The following PLEC variants were observed in gnomAD, a reference collection of about 807,000 sequenced individuals.
The protein encoded by PLEC is plectin.
PLEC carries 216 observed loss-of-function variants against 392.8 expected under a neutral mutation model. That is an observed-to-expected ratio of 0.55 (90% confidence interval 0.49 to 0.62). The LOEUF (loss-of-function observed/expected upper bound fraction) is 0.62, where lower values mean the gene tolerates loss of function less well. PLEC is among the 20% of genes least tolerant of loss of function. PLEC has a pLI of 0.00. For missense variants in PLEC, 6,863 were observed against 6,563.4 expected, an observed-to-expected ratio of 1.05 and a Z score of -1.58; for synonymous variants, 3,621 against 2,980.6, an observed-to-expected ratio of 1.21 and a Z score of -7.00.
rs11136333 is a variant in PLEC, at chr8:143,927,341, T to A, written c.3757-6A>T. The A allele has an allele frequency of 4.3e-6, 7 of 1,612,382 alleles. No individual in the cohort carries two copies. Among genetic ancestry groups the A allele is most frequent in the Non-Finnish European group, 5.9e-6 (7 of 1,179,790 alleles). On this transcript the variant is annotated splice_polypyrimidine_tract_variant and splice_region_variant and intron_variant, in intron 27 of 31. Transcript: ENST00000345136. ...TCGATCTCCTCCAGCAGGGCCTGGGTGATGGTGTGGTCAGAGCCGTGGCCG... is the reference window on the plus strand; with the variant it reads ...TCGATCTCCTCCAGCAGGGCCTGGGAGATGGTGTGGTCAGAGCCGTGGCCG...
rs782584875 is a variant in PLEC, at chr8:143,927,070, G to A, written c.3852C>T (p.Leu1284=). 1 of 1,610,774 alleles carries A rather than the reference G, an allele frequency of 6.2e-7. No individual in the cohort carries two copies. The highest frequency in any genetic ancestry group is 1.3e-5 in the African/African-American group (1 of 74,936). ...GCTGCGCCTTGTACGTCACCAGCTG[G>A]AGTTCATAGTCCTGTGGCAATGCAC... ...QYINAIKDYE[L]QLVTYKAQLE... Residue 1284 remains leucine (L), a synonymous_variant, in exon 29 of 32, where the codon CTC becomes CTT. Transcript: ENST00000345136.
upstream of PLEC, chr8:143,942,252 G>T (rs1221472377): frequency 1.0e-5 from 10 of 982,426 alleles, no homozygotes; most frequent in Non-Finnish European, 1.5e-5. Context: ...GGTGTTTCCG[G>T]AGCTCGGGGG....
rs782216683 is a variant in PLEC at position 143,924,274 on chromosome 8, C to T, written c.5655G>A (p.Ala1885=). ...FQRRRLEEQA[A]QHKADIEERL... ...GCTCCTCGATGTCAGCCTTGTGTTG[C>T]GCGGCCTGCTCCTCCAGCCGCCGCC... Residue 1885 remains alanine, a synonymous_variant, in exon 31 of 32, where the codon GCG becomes GCA. Transcript: ENST00000345136. The T allele has an allele frequency of 3.3e-5, 53 of 1,596,686 alleles. No homozygotes were observed. Among genetic ancestry groups the T allele is most frequent in the Admixed American group, 1.5e-4 (9 of 59,846 alleles).
In PLEC at chr8:143,930,833, C is replaced by T. The variant is rs1244320603; in HGVS notation, c.2305-297G>A. On this transcript the variant is annotated intron_variant, in intron 19 of 31. Coordinates refer to ENST00000345136, the MANE Select transcript of PLEC (RefSeq NM_201384.3). ...GCCCTCGCCCCTTGCCCCTCCCCTG[C>T]GGGCTGCAGAAGGTACTGCCTCCTC... Among the ~76,000 whole-genome samples, 3 of 152,200 alleles carry T rather than the reference C, an allele frequency of 2.0e-5. No individual in the cohort carries two copies. The East Asian group carries it at 5.8e-4, about 29-fold the overall frequency.
chr8:143,942,610 C>G (rs1830709413), upstream of PLEC: 1 of 1,390,218 alleles, frequency 7.2e-7, no homozygotes, highest in Non-Finnish European at 9.5e-7. Context: ...TGCGAGGCTG[C>G]CGGCTTCGCT....
At chr8:143,960,486 G>A (rs1178703589) in intron 1 of PLEC, among the ~76,000 whole-genome samples, 3 of 151,466 alleles carry the variant, frequency 2.0e-5, no homozygotes, top group Admixed American at 6.6e-5. Flanking sequence ...GTGTGGTGGC[G>A]GGTGCCTGTA....
rs534430310 is a variant in PLEC, at chr8:143,929,397, G to T, written c.3081+17C>A. ...TGGGGAGAGGGATGGGACTGGATGG[G>T]GGGGGACGGCCCCTGCCTGCTGCTC... On this transcript the variant is annotated intron_variant, in intron 24 of 31. Coordinates refer to ENST00000345136, the MANE Select transcript of PLEC (RefSeq NM_201384.3). 1.1e-4 allele frequency: 172 copies of T among 1,561,574 alleles called. 1 individual carries two copies. The highest frequency in any genetic ancestry group is 3.0e-4 in the South Asian group (26 of 86,314).
rs1327099630 is a variant in PLEC at position 143,925,061 on chromosome 8, G to A, written c.4868C>T (p.Ala1623Val). ...RAQQQAEAER[A>V]REEAERELER... ...CAGCTCCCGCTCTGCCTCCTCGCGC[G>A]CCCGCTCGGCCTCGGCCTGCTGCTG... Residue 1623 changes from alanine to valine, a missense_variant, in exon 31 of 32, where the codon GCG becomes GTG. By Grantham distance (64) the Ala-to-Val change is moderately conservative. Transcript: ENST00000345136. The A allele has an allele frequency of 2.5e-5, 39 of 1,540,954 alleles. No individual in the cohort carries two copies. The highest frequency in any genetic ancestry group is 1.8e-4 in the Middle Eastern group (1 of 5,606).
Position 143,946,344 on chromosome 8 carries a change from C to T in PLEC, c.523+3840G>A, listed in dbSNP as rs781789833. The T allele has an allele frequency of 3.9e-6, 5 of 1,288,682 alleles. No individual in the cohort carries two copies. In the South Asian group the frequency reaches 4.9e-5, roughly 13 times the overall value. The allele number at this position is 1,288,682 out of a possible 1,614,324, so 79.8% of individuals were successfully genotyped here. A position where few individuals can be genotyped will look rare whatever the true frequency, so the allele number is the denominator to read the frequency against. On this transcript the variant is annotated intron_variant, in intron 1 of 31. Coordinates refer to the PLEC transcript ENST00000322810. The stretch of plus-strand genomic sequence containing the variant: ...CTCCCACAGCCCCCAGCTCTGCCTG[C>T]CCTACCTTGGCCCAGCTGAATCAGC...
In PLEC at chr8:143,938,696, G is replaced by A; in HGVS notation, c.113-4C>T. Reference sequence around the variant, plus strand: ...TTCTGCACACGATCCCGCTCATCTGGGGGAGACAAGACCAGCTTACCTGGG... The same window carrying A: ...TTCTGCACACGATCCCGCTCATCTGAGGGAGACAAGACCAGCTTACCTGGG... On this transcript the variant is annotated splice_polypyrimidine_tract_variant and splice_region_variant and intron_variant, in intron 1 of 31. Coordinates refer to ENST00000345136, the MANE Select transcript of PLEC (RefSeq NM_201384.3). 5 of 1,613,640 alleles carry A rather than the reference G, an allele frequency of 3.1e-6. No homozygotes were observed. The highest frequency in any genetic ancestry group is 1.1e-5 in the South Asian group (1 of 91,086).
At chr8:143,975,164 C>G, upstream of PLEC, 2 of 1,597,602 alleles carry the variant, frequency 1.3e-6, no homozygotes, top group South Asian at 2.2e-5. The surrounding 1 kb of genome is among the most constrained non-coding windows in gnomAD (Gnocchi z 9.9). Context: ...CAGGCAAGGC[C>G]CTGCGCAGTT....
upstream of PLEC, chr8:143,975,034 C>T (rs1170728835): frequency 2.1e-6 from 2 of 938,032 alleles, no homozygotes; most frequent in Non-Finnish European, 1.6e-6. This position sits in a 1 kb window ranked among gnomAD's most constrained non-coding sequence, Gnocchi z 9.9. Flanking sequence ...CTGCACTCAC[C>T]TGGGACGCGC....
intron 30 of PLEC, among the ~76,000 whole-genome samples, chr8:143,926,136 C>T (rs1341714829): frequency 6.6e-6 from 1 of 152,216 alleles, no homozygotes; most frequent in Non-Finnish European, 1.5e-5. Flanking sequence ...CGCAGACAGG[C>T]GACGGAGACA....
chr8:143,975,391 G>C (rs1554745772), upstream of PLEC: 1 of 1,601,010 alleles, frequency 6.2e-7, no homozygotes, highest in Non-Finnish European at 8.5e-7. The surrounding 1 kb of genome is among the most constrained non-coding windows in gnomAD (Gnocchi z 9.9). Context: ...AGGGGAGCAG[G>C]AGGGGTCACA....
upstream of PLEC, among the ~76,000 whole-genome samples, chr8:143,943,261 C>G (rs1830840149): frequency 6.6e-6 from 1 of 152,220 alleles, no homozygotes; most frequent in African/African-American, 2.4e-5. Context: ...GGCCCCGCCC[C>G]ATCCTGTGCT....
In PLEC at chr8:143,921,195, C is replaced by CG; in HGVS notation, c.8625dup (p.Glu2876ArgfsTer12). 1 of 1,613,970 alleles carries CG rather than the reference C, an allele frequency of 6.2e-7. No homozygotes were observed. ...AGTGGCAGAAGGCACAGGCCCGTCT[C>CG]GGGGTCCTCCACGCAGCGCTCCAGT... On this transcript the variant is annotated frameshift_variant, in exon 32 of 32. Coordinates refer to ENST00000345136, the MANE Select transcript of PLEC (RefSeq NM_201384.3). LOFTEE classifies it high-confidence loss of function.
At position 143,969,375 on chromosome 8, in the gene PLEC, A is replaced by G. The variant is rs11136341; in HGVS notation, c.70+4028T>C. ...GGCTGAGGCTACTGCAGCCTGTGGC[A>G]GGAGAGCTCTGGGCACCCTATGGGA... On this transcript the variant is annotated intron_variant, in intron 1 of 31. Coordinates refer to the PLEC transcript ENST00000356346. The surrounding 1 kb of genome is among the most constrained non-coding windows in gnomAD (Gnocchi z 5.1). 0.4 allele frequency among the ~76,000 whole-genome samples: 60,416 copies of G among 152,064 alleles called. 12,642 individuals are homozygous for G. The highest frequency in any genetic ancestry group is 0.5 in the African/African-American group (20,844 of 41,454).
chr8:143,935,273 T>G lies in PLEC; in HGVS notation c.643A>C (p.Asn215His), dbSNP rs1554722188. Residue 215 changes from asparagine to histidine, a missense_variant, in exon 7 of 32, where the codon AAC becomes CAC. Asn to His is a moderately conservative substitution (Grantham distance 68). Coordinates refer to ENST00000345136, the MANE Select transcript of PLEC (RefSeq NM_201384.3). ...AAGGCCTGGTCCAGGTTCTCCAGGT[T>G]GGTCTGCCGGTACACCTTGTTCATG... ...IDMNKVYRQTNLENLDQAFSV... is the reference protein window; with the variant it reads ...IDMNKVYRQTHLENLDQAFSV... 1 of 1,610,346 alleles carries G rather than the reference T, an allele frequency of 6.2e-7. No individual in the cohort carries two copies. Among genetic ancestry groups the G allele is most frequent in the Non-Finnish European group, 8.5e-7 (1 of 1,179,910 alleles).
At chr8:143,930,092 C>G in intron 21 of PLEC, 30 bp from the exon 22 acceptor site, 2 of 1,604,870 alleles carry the variant, frequency 1.2e-6, no homozygotes, top group Non-Finnish European at 1.7e-6. Context: ...GTCAGCGTCA[C>G]CAGCGCCCCA....
Sources: gnomAD v4.1 joint callset for allele counts (sites outside exome capture counted in the v4.1 genomes callset) on GRCh38, gnomAD v4.1.1 for gene constraint, Gnocchi (gnomAD v3.1) non-coding constraint, MANE v1.5 for transcripts, NCBI Gene and HGNC (gene_info 2026-07-23, HGNC 2026-07-21) for gene names.